ESPN: variants seen among roughly 807,000 people sequenced by gnomAD.
The protein encoded by ESPN is autosomal recessive deafness type 36 protein.
ESPN carries 68 observed loss-of-function variants against 77.7 expected under a neutral mutation model. The observed-to-expected ratio is 0.87, with a 90% confidence interval of 0.72 to 1.07. The LOEUF (loss-of-function observed/expected upper bound fraction) is 1.07. ESPN is among the 50% of genes least tolerant of loss of function. The pLI is 0.00. For synonymous variants in ESPN, 449 were observed against 567.1 expected, an observed-to-expected ratio of 0.79 and a Z score of 2.96; for missense variants, 1,060 against 1,239.0, an observed-to-expected ratio of 0.86 and a Z score of 2.17.
At chr1:6,449,857 T>C (rs1010501362) in intron 8 of ESPN, among the ~76,000 whole-genome samples, 1 of 152,078 alleles carries the variant, frequency 6.6e-6, no homozygotes, top group Non-Finnish European at 1.5e-5. Context: ...GATGTGGTGC[T>C]CCCATCCCAG....
Position 6,427,351 on chromosome 1 carries a change from C to T in ESPN, c.295-875C>T, listed in dbSNP as rs535034694. Among the ~76,000 whole-genome samples, 1 of 152,294 alleles carries T rather than the reference C, an allele frequency of 6.6e-6. No individual in the cohort carries two copies. Among genetic ancestry groups the T allele is most frequent in the East Asian group, 1.9e-4 (1 of 5,170 alleles). ...TCTAGATGTTCCCGGGAATTCTCCT[C>T]CCAGCACAGGTCCTGTAAGCACTCC... On this transcript the variant is annotated intron_variant, in intron 1 of 12. Transcript: ENST00000645284. The surrounding 1 kb of genome is among the most constrained non-coding windows in gnomAD (Gnocchi z 4.6).
chr1:6,439,981 C>T (rs1643559585), intron 2 of ESPN, among the ~76,000 whole-genome samples: 1 of 151,908 alleles, frequency 6.6e-6, no homozygotes, highest in African/African-American at 2.4e-5. Flanking sequence ...TGCACTCCAG[C>T]CTGGGCGACA....
rs1644133909 is a variant in ESPN at position 6,460,177 on chromosome 1, G to T, written c.*31G>T. 1.2e-6 allele frequency: 2 copies of T among 1,600,250 alleles called. No individual in the cohort carries two copies. Among genetic ancestry groups the T allele is most frequent in the African/African-American group, 1.3e-5 (1 of 74,746 alleles). On this transcript the variant is annotated 3_prime_UTR_variant, in exon 13 of 13. Transcript: ENST00000645284. The stretch of plus-strand genomic sequence containing the variant: ...GCAGACTCCTGTCCGCAGCCTCGCA[G>T]CTCCGTGGGGCCCTCCGCCCCAGCC...
At position 6,460,247 on chromosome 1, in the gene ESPN, C is replaced by T. The variant is rs1316350404; in HGVS notation, c.*101C>T. On this transcript the variant is annotated 3_prime_UTR_variant, in exon 13 of 13. Coordinates refer to ENST00000645284, the MANE Select transcript of ESPN (RefSeq NM_031475.3). ...TGGAAAGGCTGGGAGCCGCACAGCC[C>T]TCCCCTCCTGCGCTGGAAACCCTCC... is the stretch of plus-strand genomic sequence containing the variant. The T allele has an allele frequency of 4.1e-6, 6 of 1,453,742 alleles. No homozygotes were observed. The highest frequency in any genetic ancestry group is 4.8e-5 in the East Asian group (2 of 42,046). 90.1% of individuals were successfully genotyped at this position (1,453,742 alleles called of 1,614,324 possible).
chr1:6,436,410 T>G (rs1278715824), intron 2 of ESPN, among the ~76,000 whole-genome samples: 1 of 152,178 alleles, frequency 6.6e-6, no homozygotes, highest in Non-Finnish European at 1.5e-5. Flanking sequence ...CAGTAAATGG[T>G]GGCTGCTATC....
rs769135415 is a variant in ESPN, at chr1:6,444,551, T to C, written c.1061T>C (p.Met354Thr). 1.2e-6 allele frequency: 2 copies of C among 1,614,238 alleles called. No homozygotes were observed. The highest frequency in any genetic ancestry group is 2.2e-5 in the South Asian group (2 of 91,090). Residue 354 changes from methionine (M) to threonine (T), a missense_variant, in exon 6 of 13, where the codon ATG (methionine) becomes ACG (threonine). Transcript: ENST00000645284. The part of the protein sequence containing the change: ...ELEAKQPDSG[M>T]SSPNTTVSVQ... ...GAGGCTAAGCAGCCGGATTCAGGCATGTCCTCACCCAATACCACGGTGTCG... is the reference window on the plus strand; with the variant it reads ...GAGGCTAAGCAGCCGGATTCAGGCACGTCCTCACCCAATACCACGGTGTCG...
At position 6,450,966 on chromosome 1, in the gene ESPN, C is replaced by T. The variant is rs1402801530; in HGVS notation, c.1916-637C>T. On this transcript the variant is annotated intron_variant, in intron 8 of 12. Transcript: ENST00000645284. The surrounding 1 kb of genome is among the most constrained non-coding windows in gnomAD (Gnocchi z 4.3). ...CCTGCCCTTCCTCCTGGGTGCCTCCCGTAGCCTTAGTAAGGGCTCTGCTTT... is the reference window on the plus strand; with the variant it reads ...CCTGCCCTTCCTCCTGGGTGCCTCCTGTAGCCTTAGTAAGGGCTCTGCTTT... Among the ~76,000 whole-genome samples the T allele has an allele frequency of 2.6e-5, 4 of 152,210 alleles. No individual in the cohort carries two copies. Among genetic ancestry groups the T allele is most frequent in the Non-Finnish European group, 4.4e-5 (3 of 68,030 alleles).
At position 6,452,214 on chromosome 1, in the gene ESPN, T is replaced by C. The variant is rs79236068; in HGVS notation, c.2325+118T>C. ...TCCCATTTTCTTTCTTTTTTTTTTT[T>C]CTTTTCTTGAGACAGAGTCTTGCTC... is the stretch of plus-strand genomic sequence containing the variant. On this transcript the variant is annotated intron_variant, in intron 10 of 12. Transcript: ENST00000645284. The C allele has an allele frequency of 4.3e-4, 524 of 1,216,274 alleles. No individual in the cohort carries two copies. In the African/African-American group the frequency reaches 7.0e-3, roughly 16 times the overall value. The allele number at this position is 1,216,274 out of a possible 1,614,324, so 75.3% of individuals were successfully genotyped here.
chr1:6,428,081 A>G lies in ESPN; in HGVS notation c.295-145A>G. The G allele has an allele frequency of 1.2e-6, 1 of 856,984 alleles. No homozygotes were observed. Among genetic ancestry groups the G allele is most frequent in the Non-Finnish European group, 1.9e-6 (1 of 524,276 alleles). 53.1% of individuals were successfully genotyped at this position (856,984 alleles called of 1,614,324 possible). A position where few individuals can be genotyped will look rare whatever the true frequency, so the allele number is the denominator to read the frequency against. On this transcript the variant is annotated intron_variant, in intron 1 of 12. Transcript: ENST00000645284. The surrounding 1 kb of genome is among the most constrained non-coding windows in gnomAD (Gnocchi z 5.4). ...AGGATCCGCTTGACCCAAAAAAAAC[A>G]TTGCTGAATGAGGCCTGGCCAATCC...
In ESPN at chr1:6,460,917, C is replaced by G. The variant is rs377612111; in HGVS notation, c.*771C>G. 1.3e-4 allele frequency: 47 copies of G among 350,206 alleles called. No individual in the cohort carries two copies. The highest frequency in any genetic ancestry group is 9.6e-4 in the African/African-American group (44 of 46,036). The allele number at this position is 350,206 out of a possible 1,614,324, so 21.7% of individuals were successfully genotyped here. ...CCGCCACCTCGCAGCCCCATTAAAG[C>G]GCTCTCATCTGGGCTCCGGTTCACT... On this transcript the variant is annotated 3_prime_UTR_variant, in exon 13 of 13. Coordinates refer to ENST00000645284, the MANE Select transcript of ESPN (RefSeq NM_031475.3).
chr1:6,452,381 ATTT>A (rs1643964922), intron 10 of ESPN, among the ~76,000 whole-genome samples: 1 of 151,438 alleles, frequency 6.6e-6, no homozygotes, highest in Admixed American at 6.6e-5. Context: ...ATTTTTTTGT[ATTT>A]TTATTAGAGA....
In ESPN at chr1:6,440,273, A is replaced by C; in HGVS notation, c.508A>C (p.Lys170Gln). The C allele has an allele frequency of 6.5e-7, 1 of 1,550,178 alleles. No homozygotes were observed. The highest frequency in any genetic ancestry group is 8.7e-7 in the Non-Finnish European group (1 of 1,146,992). ...HYPEGVNAQT[K>Q]NGATPLYLAC... ...CCGCAGGGGAGTGAATGCCCAAACC[A>C]AGAACGGTGCCACGCCCCTGTACCT... is the stretch of plus-strand genomic sequence containing the variant. The change falls in exon 3 of 13, where the codon AAG (lysine) becomes CAG (glutamine). Residue 170 changes from lysine (K) to glutamine (Q), a missense_variant. Transcript: ENST00000645284.
intron 5 of ESPN, chr1:6,442,908 G>A (rs2148522778): frequency 6.6e-6 from 1 of 151,070 alleles, no homozygotes; most frequent in South Asian, 2.1e-4. Flanking sequence ...GCCATGTGGG[G>A]TGGCTCATGC....
intron 2 of ESPN, among the ~76,000 whole-genome samples, chr1:6,436,746 GTCC>G (rs746451484): frequency 1.4e-4 from 21 of 152,126 alleles, no homozygotes; most frequent in African/African-American, 4.6e-4. Context: ...GGCTCAGGCA[GTCC>G]TCCTGCTTTG....
chr1:6,461,331 C>T, downstream of ESPN: 1 of 1,390,480 alleles, frequency 7.2e-7, no homozygotes. This position sits in a 1 kb window ranked among gnomAD's most constrained non-coding sequence, Gnocchi z 6.3. Flanking sequence ...AGGGCCGTGC[C>T]AGCGGCTTAA....
In ESPN at chr1:6,430,711, C is replaced by T. The variant is rs752070419; in HGVS notation, c.488+2292C>T. Among the ~76,000 whole-genome samples the T allele has an allele frequency of 9.9e-5, 15 of 151,808 alleles. No homozygotes were observed. The East Asian group carries it at 2.5e-3, about 26-fold the overall frequency. ...GCTTGAACCCGGCAGACGGAGGTTG[C>T]GGTGAGCCAAGATTGAGCCATTGCA... On this transcript the variant is annotated intron_variant, in intron 2 of 12. Transcript: ENST00000645284.
intron 6 of ESPN, among the ~76,000 whole-genome samples, chr1:6,445,043 C>A (rs976601291): frequency 2.0e-5 from 3 of 152,078 alleles, no homozygotes; most frequent in African/African-American, 7.3e-5. Context: ...CTGCACACAC[C>A]CACCCTACAC....
chr1:6,425,704 G>C (rs1032741564), intron 1 of ESPN, among the ~76,000 whole-genome samples: 1 of 152,246 alleles, frequency 6.6e-6, no homozygotes, highest in Non-Finnish European at 1.5e-5. Context: ...TGTGGGGGAA[G>C]GGTGATGAGC....
intron 2 of ESPN, among the ~76,000 whole-genome samples, chr1:6,431,671 G>A (rs1643260526): frequency 6.8e-6 from 1 of 147,040 alleles, no homozygotes; most frequent in Admixed American, 6.8e-5. Context: ...ACGAAAGAAA[G>A]GAAGAAAGGA....
Sources: allele counts gnomAD v4.1 joint callset (sites outside exome capture counted in the v4.1 genomes callset), GRCh38; gene constraint gnomAD v4.1.1; non-coding constraint Gnocchi (gnomAD v3.1); transcripts MANE v1.5; gene names NCBI Gene and HGNC (gene_info 2026-07-23, HGNC 2026-07-21).